Variants in GREB1 observed in about 807,000 individuals in gnomAD.
The protein encoded by GREB1 is protein GREB1.
In GREB1, 106 loss-of-function variants were observed where a neutral mutation model predicts 200.7. The ratio of observed to expected loss-of-function variants is 0.53; its 90% confidence interval spans 0.45 to 0.62. GREB1 has a LOEUF of 0.62. GREB1 is among the 20% of genes least tolerant of loss of function. The pLI is 0.00. For synonymous variants in GREB1, 1,132 were observed against 1,092.4 expected (o/e 1.04, Z -0.72); for missense variants, 2,243 against 2,556.8 (o/e 0.88, Z 2.65).
chr2:11,555,628 C>T (rs909045422), intron 1 of GREB1, among the ~76,000 whole-genome samples: 1 of 152,114 alleles, frequency 6.6e-6, no homozygotes, highest in Non-Finnish European at 1.5e-5. Context: ...AAGCCAGTCA[C>T]AAAAGACCTC....
At chr2:11,599,726 T>C (rs1681611589) in intron 15 of GREB1, among the ~76,000 whole-genome samples, 1 of 152,112 alleles carries the variant, frequency 6.6e-6, no homozygotes, top group African/African-American at 2.4e-5. Context: ...TTCACCGTGT[T>C]AGCCAGGATG....
intron 24 of GREB1, 129 bp from the exon 25 acceptor site, chr2:11,626,833 C>A: frequency 2.2e-6 from 2 of 892,480 alleles, no homozygotes; most frequent in Non-Finnish European, 3.6e-6. Flanking sequence ...AGGTGAGAGG[C>A]AGTCCTCCCC....
chr2:11,592,494 G>A (rs1037020140), intron 10 of GREB1, among the ~76,000 whole-genome samples: 2 of 151,642 alleles, frequency 1.3e-5, no homozygotes, highest in Admixed American at 6.6e-5. Context: ...TTGTCAAAGA[G>A]GATGCTTAAT....
rs1572910682 is a variant in GREB1, at chr2:11,610,590, G to A, written c.2667-98G>A. On this transcript the variant is annotated intron_variant, in intron 17 of 32. Transcript: ENST00000381486. ...CAACACAACTGCGTATAATGCCGGA[G>A]TTGCCTGTGGTAGAGTGACGGATGT... The A allele has an allele frequency of 4.5e-6, 4 of 884,000 alleles. No individual in the cohort carries two copies. The East Asian group carries it at 9.8e-5, about 22-fold the overall frequency. 54.8% of individuals were successfully genotyped at this position (884,000 alleles called of 1,614,324 possible).
chr2:11,532,752 G>T (rs1005797937), upstream of GREB1, among the ~76,000 whole-genome samples: 1 of 152,138 alleles, frequency 6.6e-6, no homozygotes, highest in Non-Finnish European at 1.5e-5. Flanking sequence ...CCCCACTAGC[G>T]CAGTGGAAAC....
intron 1 of GREB1, among the ~76,000 whole-genome samples, chr2:11,521,948 C>T (rs1033268190): frequency 3.9e-5 from 6 of 152,168 alleles, no homozygotes; most frequent in Non-Finnish European, 7.3e-5. Flanking sequence ...GTGGTCTACA[C>T]GTTGTGATCT....
intron 12 of GREB1, 58 bp downstream of exon 12, chr2:11,595,437 C>T (rs1681124544): frequency 1.7e-5 from 26 of 1,554,914 alleles, no homozygotes; most frequent in East Asian, 4.6e-5. Context: ...TAATCAGTGC[C>T]GGGGGAGGTC....
chr2:11,547,636 TA>T (rs1363683625), intron 1 of GREB1, among the ~76,000 whole-genome samples: 1 of 152,220 alleles, frequency 6.6e-6, no homozygotes, highest in Admixed American at 6.5e-5. Flanking sequence ...TTATAAGCTT[TA>T]AAATGAAAAA....
chr2:11,635,455 C>G, intron 30 of GREB1, 50 bp downstream of exon 30: 3 of 1,560,540 alleles, frequency 1.9e-6, no homozygotes, highest in Non-Finnish European at 2.6e-6. Flanking sequence ...CCTGGGCCGC[C>G]CTGGCACACA....
intron 17 of GREB1, among the ~76,000 whole-genome samples, chr2:11,606,636 G>A (rs981554245): frequency 3.3e-5 from 5 of 151,726 alleles, no homozygotes; most frequent in African/African-American, 1.2e-4. Context: ...CTTTTACTTT[G>A]AGCATGTTTC....
Position 11,597,567 on chromosome 2 carries a change from G to A in GREB1, c.1955-214G>A, listed in dbSNP as rs77196465. Among the ~76,000 whole-genome samples the A allele has an allele frequency of 2.0e-3, 309 of 152,240 alleles. 2 individuals carry two copies. The highest frequency in any genetic ancestry group is 7.2e-3 in the African/African-American group (298 of 41,542). ...GCTTGGTTCTTATTTTTATTATTAA[G>A]TGAAAGATGGTGCATAAAATGATTG... is the stretch of plus-strand genomic sequence containing the variant. On this transcript the variant is annotated intron_variant, in intron 13 of 32. Transcript: ENST00000381486. The surrounding 1 kb of genome is among the most constrained non-coding windows in gnomAD (Gnocchi z 4.1).
chr2:11,567,199 A>G (rs1677761192), intron 4 of GREB1, among the ~76,000 whole-genome samples: 1 of 152,150 alleles, frequency 6.6e-6, no homozygotes. Context: ...GTCTCAGCTC[A>G]CTGCGACCCC....
intron 1 of GREB1, among the ~76,000 whole-genome samples, chr2:11,512,504 G>C (rs1673379285): frequency 6.6e-6 from 1 of 152,222 alleles, no homozygotes; most frequent in Non-Finnish European, 1.5e-5. Context: ...TTGAAGCAAG[G>C]GGAAACGTGT....
chr2:11,569,376 A>C (rs1022245207), intron 4 of GREB1, among the ~76,000 whole-genome samples: 3 of 152,194 alleles, frequency 2.0e-5, no homozygotes, highest in African/African-American at 7.2e-5. Flanking sequence ...AGAAGTCCAC[A>C]ACAAACGACT....
chr2:11,489,631 A>C (rs1672736184), intron 1 of GREB1, among the ~76,000 whole-genome samples: 1 of 152,238 alleles, frequency 6.6e-6, no homozygotes, highest in Admixed American at 6.5e-5. Flanking sequence ...GAGGCAAGAA[A>C]AGAGAAGAAT....
intron 22 of GREB1, 55 bp downstream of exon 22, chr2:11,618,974 C>G: frequency 7.1e-7 from 1 of 1,414,786 alleles, no homozygotes; most frequent in South Asian, 1.5e-5. Flanking sequence ...TCCTCACACT[C>G]CCATCTGGAG....
At chr2:11,607,471 TAC>T (rs1179161600) in intron 17 of GREB1, among the ~76,000 whole-genome samples, 10 of 145,342 alleles carry the variant, frequency 6.9e-5, no homozygotes, top group East Asian at 2.0e-4. Context: ...TATATATATA[TAC>T]ACACACATAC....
chr2:11,497,656 T>A (rs1672922724), intron 1 of GREB1, among the ~76,000 whole-genome samples: 1 of 152,220 alleles, frequency 6.6e-6, no homozygotes, highest in African/African-American at 2.4e-5. Context: ...GTTTTTTATT[T>A]TAGCTGTTAT....
At chr2:11,498,351 A>G (rs1419640972) in intron 1 of GREB1, among the ~76,000 whole-genome samples, 1 of 152,150 alleles carries the variant, frequency 6.6e-6, no homozygotes, top group Non-Finnish European at 1.5e-5. Context: ...TTCCAGCACC[A>G]TTTATTGAAA....
Sources: allele counts gnomAD v4.1 joint callset (sites outside exome capture counted in the v4.1 genomes callset), GRCh38; gene constraint gnomAD v4.1.1; non-coding constraint Gnocchi (gnomAD v3.1); transcripts MANE v1.5; gene names NCBI Gene and HGNC (gene_info 2026-07-23, HGNC 2026-07-21).